The following TRMT9B variants were observed in gnomAD, a reference collection of about 807,000 sequenced individuals.
TRMT9B encodes the protein tRNA methyltransferase 9B (putative).
Under a neutral mutation model 11.5 loss-of-function variants are expected in TRMT9B, and 16 were observed. The ratio of observed to expected loss-of-function variants is 1.39; its 90% confidence interval spans 0.94 to 2.11. TRMT9B has a LOEUF of 2.11. TRMT9B is among the 30% of genes most tolerant of loss of function. TRMT9B has a pLI of 0.00. For synonymous variants in TRMT9B, 274 were observed against 192.4 expected, an observed-to-expected ratio of 1.42 and a Z score of -3.51; for missense variants, 941 against 553.8, an observed-to-expected ratio of 1.70 and a Z score of -7.02.
Position 13,021,759 on chromosome 8 carries a change from G to C in TRMT9B, c.1080G>C (p.Val360=), listed in dbSNP as rs745641864. 6.2e-6 allele frequency: 10 copies of C among 1,613,850 alleles called. No individual in the cohort carries two copies. The highest frequency in any genetic ancestry group is 1.6e-4 in the Middle Eastern group (1 of 6,084). ...LDSTNTGVNC[V]DAGNIEDDNP... is the part of the protein sequence containing the mutation. The stretch of plus-strand genomic sequence containing the variant: ...GCACTAATACTGGTGTGAATTGTGT[G>C]GATGCAGGCAACATAGAAGATGATA... Residue 360 remains valine (V), a synonymous_variant, in exon 5 of 5, where the codon GTG becomes GTC. Coordinates refer to ENST00000524591, the MANE Select transcript of TRMT9B (RefSeq NM_020844.3).
At chr8:12,968,626 G>A (rs979500463) in intron 1 of TRMT9B, among the ~76,000 whole-genome samples, 1 of 152,132 alleles carries the variant, frequency 6.6e-6, no homozygotes, top group Admixed American at 6.5e-5. Flanking sequence ...TGGACTCCAG[G>A]TTCAACTCCC....
chr8:13,013,648 C>T (rs1442838186), intron 4 of TRMT9B, among the ~76,000 whole-genome samples: 1 of 152,134 alleles, frequency 6.6e-6, no homozygotes, highest in Non-Finnish European at 1.5e-5. Flanking sequence ...TGTCCCAATA[C>T]ACTCTTAAAA....
At chr8:13,003,657 A>C (rs1325668354) in intron 2 of TRMT9B, among the ~76,000 whole-genome samples, 2 of 151,798 alleles carry the variant, frequency 1.3e-5, no homozygotes, top group African/African-American at 2.4e-5. Flanking sequence ...CGCCTAAGCC[A>C]GCTGAACCCA....
chr8:13,005,685 G>T (rs1210116557), intron 2 of TRMT9B, among the ~76,000 whole-genome samples: 1 of 152,166 alleles, frequency 6.6e-6, no homozygotes, highest in African/African-American at 2.4e-5. Flanking sequence ...GAACCGTTTT[G>T]CCAGCTGTTG....
At chr8:13,008,052 A>G (rs569695933) in intron 3 of TRMT9B, among the ~76,000 whole-genome samples, 14 of 152,270 alleles carry the variant, frequency 9.2e-5, no homozygotes, top group African/African-American at 3.1e-4. Context: ...TTTTTAGGGG[A>G]AATGTTGGAT....
chr8:12,983,690 A>G (rs998104506), intron 1 of TRMT9B, among the ~76,000 whole-genome samples: 9 of 151,542 alleles, frequency 5.9e-5, no homozygotes, highest in African/African-American at 2.2e-4. Flanking sequence ...TAATAATAAA[A>G]CCCTTCTAGC....
At chr8:12,970,299 G>A (rs535139308) in intron 1 of TRMT9B, 2 of 152,304 alleles carry the variant, frequency 1.3e-5, no homozygotes, top group African/African-American at 4.8e-5. Flanking sequence ...TTTTATGTAA[G>A]CCTATTTCTC....
intron 4 of TRMT9B, among the ~76,000 whole-genome samples, chr8:13,013,481 G>GA (rs1028940864): frequency 6.6e-6 from 1 of 152,094 alleles, no homozygotes; most frequent in Admixed American, 6.6e-5. Flanking sequence ...AAAATGGGGG[G>GA]AAAAAATCCA....
intron 2 of TRMT9B, among the ~76,000 whole-genome samples, chr8:13,004,209 A>C (rs1283642752): frequency 6.6e-6 from 1 of 151,902 alleles, no homozygotes; most frequent in Non-Finnish European, 1.5e-5. Context: ...TGGGGTACTA[A>C]ATACACTTGA....
intron 2 of TRMT9B, among the ~76,000 whole-genome samples, chr8:12,996,699 G>A (rs764425293): frequency 6.6e-6 from 1 of 152,020 alleles, no homozygotes; most frequent in Admixed American, 6.6e-5. Flanking sequence ...AGCAAAAGGG[G>A]GTTTTAATTG....
chr8:13,015,905 G>A (rs2466247), intron 4 of TRMT9B, among the ~76,000 whole-genome samples: 9,995 of 151,872 alleles, frequency 0.066, 418 homozygotes, highest in African/African-American at 0.11. Flanking sequence ...CTGTAACTAC[G>A]AATTAATGTG....
At chr8:12,997,003 T>G (rs1808477887) in intron 2 of TRMT9B, among the ~76,000 whole-genome samples, 1 of 131,172 alleles carries the variant, frequency 7.6e-6, no homozygotes, top group African/African-American at 3.0e-5. Context: ...TTATTTTATT[T>G]TATTTTTTAT....
At chr8:13,013,421 G>GACTCA (rs1812028016) in intron 4 of TRMT9B, among the ~76,000 whole-genome samples, 1 of 152,110 alleles carries the variant, frequency 6.6e-6, no homozygotes, top group African/African-American at 2.4e-5. Context: ...TCTAGGGAAT[G>GACTCA]TGTTTCTCAT....
At position 12,949,652 on chromosome 8, in the gene TRMT9B, A is replaced by G. The variant is rs142690034; in HGVS notation, c.-200+3686A>G. Among the ~76,000 whole-genome samples, 564 of 152,242 alleles carry G rather than the reference A, an allele frequency of 3.7e-3. 1 individual carries two copies. Among genetic ancestry groups the G allele is most frequent in the Admixed American group, 8.1e-3 (124 of 15,302 alleles). On this transcript the variant is annotated intron_variant, in intron 1 of 4. Coordinates refer to ENST00000524591, the MANE Select transcript of TRMT9B (RefSeq NM_020844.3). ...GTTCACAAGTCTCTAGGGATTCTAC[A>G]TGTCTGCTTCAAGCCGTCAGTGAAC...
chr8:12,990,690 G>T, intron 1 of TRMT9B, 144 bp from the exon 2 acceptor site: 1 of 258,336 alleles, frequency 3.9e-6, no homozygotes, highest in Admixed American at 4.8e-5. Flanking sequence ...TATAATTCTG[G>T]CACACTCCAC....
At chr8:12,969,828 C>A (rs1239473678) in intron 1 of TRMT9B, among the ~76,000 whole-genome samples, 1 of 151,006 alleles carries the variant, frequency 6.6e-6, no homozygotes, top group Non-Finnish European at 1.5e-5. Context: ...TGCACCACCA[C>A]ACCCAGCTAA....
At chr8:12,960,166 A>T (rs1015789712) in intron 1 of TRMT9B, 2 of 152,190 alleles carry the variant, frequency 1.3e-5, no homozygotes, top group African/African-American at 4.8e-5. Flanking sequence ...ACTATATGGG[A>T]ATTGCTCCCC....
chr8:12,955,964 T>C (rs10106495), intron 1 of TRMT9B, among the ~76,000 whole-genome samples: 2,584 of 152,254 alleles, frequency 0.017, 79 homozygotes, highest in African/African-American at 0.059. Context: ...CTGTGTTCCA[T>C]TGATCAGAGA....
intron 4 of TRMT9B, among the ~76,000 whole-genome samples, chr8:13,019,704 C>G (rs893906631): frequency 3.9e-5 from 6 of 152,214 alleles, no homozygotes; most frequent in Non-Finnish European, 2.9e-5. Flanking sequence ...AATCAGGACT[C>G]TACTTCTAGA....
Sources: allele counts gnomAD v4.1 joint callset (sites outside exome capture counted in the v4.1 genomes callset), GRCh38; gene constraint gnomAD v4.1.1; transcripts MANE v1.5; gene names NCBI Gene and HGNC (gene_info 2026-07-23, HGNC 2026-07-21).